HSPBP1: variants seen among roughly 807,000 people sequenced by gnomAD.
HSPBP1 encodes the protein HSPA (Hsp70) binding protein 1.
HSPBP1 carries 31 observed loss-of-function variants against 41.7 expected under a neutral mutation model. The observed-to-expected ratio is 0.74, with a 90% CI of 0.56 to 1.00. HSPBP1 has a LOEUF of 1.00. Among genes scored for constraint, HSPBP1 ranks in the 50% least tolerant of loss-of-function variants. The pLI, the probability that HSPBP1 is intolerant of heterozygous loss-of-function variation, is 0.00. For missense variants in HSPBP1, 439 were observed against 487.9 expected (o/e 0.90, Z 0.94); for synonymous variants, 199 against 214.4 (o/e 0.93, Z 0.63).
At chr19:55,276,723 G>A (rs1253128060) in intron 3 of HSPBP1, among the ~76,000 whole-genome samples, 1 of 152,058 alleles carries the variant, frequency 6.6e-6, no homozygotes, top group African/African-American at 2.4e-5. Context: ...GGATAAGACG[G>A]GGAGACACTG....
At chr19:55,274,098 G>A (rs1331980804) in intron 4 of HSPBP1, among the ~76,000 whole-genome samples, 1 of 152,092 alleles carries the variant, frequency 6.6e-6, no homozygotes. Context: ...CCCCGAGAGA[G>A]TGAACCAGCG....
At chr19:55,271,699 A>G (rs1426084542) in intron 4 of HSPBP1, among the ~76,000 whole-genome samples, 1 of 152,182 alleles carries the variant, frequency 6.6e-6, no homozygotes, top group Non-Finnish European at 1.5e-5. Context: ...GAGGGAGAGA[A>G]AGAGGGTGTT....
intron 4 of HSPBP1, 53 bp downstream of exon 4, chr19:55,274,345 G>GGACCCCCCC: frequency 3.6e-6 from 2 of 552,678 alleles, no homozygotes; most frequent in South Asian, 1.9e-5. Context: ...GGCCCACCCG[G>GGACCCCCCC]CACCCCCCCC....
At chr19:55,278,923 CAAAAA>C (rs34254075) in intron 2 of HSPBP1, among the ~76,000 whole-genome samples, 1 of 90,654 alleles carries the variant, frequency 1.1e-5, no homozygotes, top group Non-Finnish European at 2.2e-5. Flanking sequence ...CTGCCCCCAC[CAAAAA>C]AAAAAAAAAA....
chr19:55,265,976 A>G lies in HSPBP1; in HGVS notation c.803T>C (p.Leu268Pro). Residue 268 changes from leucine to proline, a missense_variant, in exon 6 of 8, where the codon CTG becomes CCG. Transcript: ENST00000433386. ...LVGHPEHKGT[L>P]CSMGMVQQLV... ...CTGCTGGACCATCCCCATGGAGCAC[A>G]GGGTCCCTGGGGGGAGGGCTGCAGG... The G allele has an allele frequency of 6.2e-7, 1 of 1,600,746 alleles. No individual in the cohort carries two copies. The highest frequency in any genetic ancestry group is 8.5e-7 in the Non-Finnish European group (1 of 1,175,156).
intron 4 of HSPBP1, 38 bp downstream of exon 4, chr19:55,274,360 G>GCCCCCCCCCCCCCCCC: frequency 4.5e-6 from 1 of 222,600 alleles, no homozygotes; most frequent in Non-Finnish European, 7.5e-6. Context: ...CCCCCCCACC[G>GCCCCCCCCCCCCCCCC]CCAGCACCCC....
intron 6 of HSPBP1, 29 bp downstream of exon 6, chr19:55,265,857 G>C: frequency 6.5e-7 from 1 of 1,538,712 alleles, no homozygotes; most frequent in Non-Finnish European, 8.8e-7. Context: ...CCCCACCCCA[G>C]GCCCCGTCCT....
Position 55,274,590 on chromosome 19 carries a change from C to A in HSPBP1, c.448G>T (p.Val150Leu). Reference protein sequence around the residue: ...FCQLSGMHLLVGRYLEAGAAG... With the variant: ...FCQLSGMHLLLGRYLEAGAAG... The stretch of plus-strand genomic sequence containing the variant: ...GCCCCCGCCTCCAGGTACCGGCCCA[C>A]CAGCAGGTGCATGCCAGACAGCTGG... The change falls in exon 4 of 8, where the codon GTG becomes TTG. Residue 150 changes from valine (V) to leucine (L), a missense_variant. Val to Leu is a conservative substitution (Grantham distance 32, BLOSUM62 1). Coordinates refer to ENST00000433386, the MANE Select transcript of HSPBP1 (RefSeq NM_012267.5). 1 of 1,607,940 alleles carries A rather than the reference C, an allele frequency of 6.2e-7. No homozygotes were observed. The highest frequency in any genetic ancestry group is 8.5e-7 in the Non-Finnish European group (1 of 1,179,460).
Position 55,266,196 on chromosome 19 carries a change from T to G in HSPBP1, c.731A>C (p.Gln244Pro). Residue 244 changes from glutamine (Q) to proline (P), a missense_variant, in exon 5 of 8, where the codon CAG becomes CCG. Physicochemically the swap from Gln to Pro is moderately conservative, Grantham distance 76. Coordinates refer to ENST00000433386, the MANE Select transcript of HSPBP1 (RefSeq NM_012267.5). ...GAATGCTGATTTGACCTTGAGCTTC[T>G]GCACCTGCTGCTGCATGGCCCTCAT... The part of the protein sequence containing the change: ...VLMRAMQQQV[Q>P]KLKVKSAFLL... The G allele has an allele frequency of 6.3e-7, 1 of 1,585,370 alleles. No homozygotes were observed.
rs771688064 is a variant in HSPBP1 at position 55,266,168 on chromosome 19, C to T, written c.759G>A (p.Leu253=). 3 of 1,594,944 alleles carry T rather than the reference C, an allele frequency of 1.9e-6. No individual in the cohort carries two copies. The highest frequency in any genetic ancestry group is 2.6e-6 in the Non-Finnish European group (3 of 1,170,918). ...VQKLKVKSAF[L]LQNLLVGHPE... ...GGTGGCCCACCAGCAGGTTCTGCAG[C>T]AGGAATGCTGATTTGACCTTGAGCT... The change falls in exon 5 of 8, where the codon CTG becomes CTA. Residue 253 remains leucine (L), a synonymous_variant. Coordinates refer to ENST00000433386, the MANE Select transcript of HSPBP1 (RefSeq NM_012267.5).
At chr19:55,278,474 T>C (rs2088135302) in intron 2 of HSPBP1, among the ~76,000 whole-genome samples, 1 of 152,214 alleles carries the variant, frequency 6.6e-6, no homozygotes, top group Admixed American at 6.5e-5. Flanking sequence ...TTATATATAA[T>C]AGCTATCGCT....
At chr19:55,266,069 C>T in intron 5 of HSPBP1, 62 bp downstream of exon 5, 1 of 1,570,170 alleles carries the variant, frequency 6.4e-7, no homozygotes, top group African/African-American at 1.4e-5. Context: ...CCTTCTCCCA[C>T]ACCTGCACCC....
At position 55,272,885 on chromosome 19, in the gene HSPBP1, T is replaced by C. The variant is rs1376996678; in HGVS notation, c.640+1513A>G. Among the ~76,000 whole-genome samples the C allele has an allele frequency of 1.3e-5, 2 of 151,578 alleles. No individual in the cohort carries two copies. The highest frequency in any genetic ancestry group is 2.9e-5 in the Non-Finnish European group (2 of 67,924). ...AAGAAGAAAATGTTCCAAAATTAGA[T>C]AGTGACTGCCGATAGCCATACCACC... On this transcript the variant is annotated intron_variant, in intron 4 of 7. Coordinates refer to ENST00000433386, the MANE Select transcript of HSPBP1 (RefSeq NM_012267.5). The surrounding 1 kb of genome is among the most constrained non-coding windows in gnomAD (Gnocchi z 4.2).
intron 4 of HSPBP1, among the ~76,000 whole-genome samples, chr19:55,267,464 CT>C (rs76720832): frequency 0.031 from 4,537 of 146,732 alleles, 172 homozygotes; most frequent in African/African-American, 0.079. Context: ...TCATCTCTCT[CT>C]TTTTTTTTTT....
In HSPBP1 at chr19:55,274,577, A is replaced by G; in HGVS notation, c.461T>C (p.Leu154Pro). The change falls in exon 4 of 8, where the codon CTG (leucine) becomes CCG (proline). Residue 154 changes from leucine to proline, a missense_variant. By Grantham distance (98) the Leu-to-Pro change is moderately conservative. Coordinates refer to ENST00000433386, the MANE Select transcript of HSPBP1 (RefSeq NM_012267.5). ...SGMHLLVGRY[L>P]EAGAAGLRWR... is the part of the protein sequence containing the mutation. ...CCGCAGTCCCGCAGCCCCCGCCTCC[A>G]GGTACCGGCCCACCAGCAGGTGCAT... 6.2e-7 allele frequency: 1 copy of G among 1,608,774 alleles called. No homozygotes were observed. Among genetic ancestry groups the G allele is most frequent in the Non-Finnish European group, 8.5e-7 (1 of 1,179,604 alleles).
intron 3 of HSPBP1, 55 bp from the exon 4 acceptor site, chr19:55,274,677 C>T: frequency 6.9e-7 from 1 of 1,446,112 alleles, no homozygotes; most frequent in Non-Finnish European, 9.5e-7. Flanking sequence ...GAACCGTGCC[C>T]CCCAAAATGC....
chr19:55,274,347 A>ACCCCCCCCCCCCCCCCCCCCCCCCCTGCC, intron 4 of HSPBP1, 51 bp downstream of exon 4: 1 of 325,718 alleles, frequency 3.1e-6, no homozygotes, highest in East Asian at 5.2e-5. Context: ...CCCACCCGGC[A>ACCCCCCCCCCCCCCCCCCCCCCCCCTGCC]CCCCCCCCCA....
chr19:55,272,677 C>G lies in HSPBP1; in HGVS notation c.640+1721G>C, dbSNP rs1048044827. Among the ~76,000 whole-genome samples, 1 of 151,764 alleles carries G rather than the reference C, an allele frequency of 6.6e-6. No homozygotes were observed. Among genetic ancestry groups the G allele is most frequent in the Admixed American group, 6.6e-5 (1 of 15,242 alleles). ...CCAACAGGGTGAAACCCCGTCTCTA[C>G]TAAAAATACAAAAATTAGCCGGGCG... On this transcript the variant is annotated intron_variant, in intron 4 of 7. Coordinates refer to ENST00000433386, the MANE Select transcript of HSPBP1 (RefSeq NM_012267.5). This position sits in a 1 kb window ranked among gnomAD's most constrained non-coding sequence, Gnocchi z 4.2.
In HSPBP1 at chr19:55,270,169, C is replaced by G. The variant is rs2122839688; in HGVS notation, c.641-3883G>C. Among the ~76,000 whole-genome samples, 1 of 152,292 alleles carries G rather than the reference C, an allele frequency of 6.6e-6. No homozygotes were observed. Among genetic ancestry groups the G allele is most frequent in the Non-Finnish European group, 1.5e-5 (1 of 68,026 alleles). On this transcript the variant is annotated intron_variant, in intron 4 of 7. Transcript: ENST00000433386. This position sits in a 1 kb window ranked among gnomAD's most constrained non-coding sequence, Gnocchi z 5.4. ...TTAACATTTTCATGTGAATTTTACC[C>G]CCGAGCAAAAAAAAGAATGGCATCC...
Sources: allele counts gnomAD v4.1 joint callset (sites outside exome capture counted in the v4.1 genomes callset), GRCh38; gene constraint gnomAD v4.1.1; non-coding constraint Gnocchi (gnomAD v3.1); transcripts MANE v1.5; gene names NCBI Gene and HGNC (gene_info 2026-07-23, HGNC 2026-07-21).